Variants in SPATA22 observed in about 807,000 individuals in gnomAD.
SPATA22 encodes spermatogenesis-associated protein 22.
SPATA22 carries 29 observed loss-of-function variants against 47.8 expected under a neutral mutation model. The observed-to-expected ratio is 0.61, with a 90% CI of 0.45 to 0.83. SPATA22 has a LOEUF of 0.83. Among genes scored for constraint, SPATA22 ranks in the 40% least tolerant of loss-of-function variants. The pLI is 0.00. For missense variants in SPATA22, 410 were observed against 421.7 expected (o/e 0.97, Z 0.24); for synonymous variants, 133 against 140.9 (o/e 0.94, Z 0.40).
At chr17:3,504,688 G>C (rs920730072) in intron 1 of SPATA22, among the ~76,000 whole-genome samples, 1 of 151,932 alleles carries the variant, frequency 6.6e-6, no homozygotes, top group Non-Finnish European at 1.5e-5. Context: ...CTGTTGAGTA[G>C]CTGGGATTAT....
chr17:3,460,111 T>C (rs958658184), intron 5 of SPATA22, among the ~76,000 whole-genome samples: 5 of 152,202 alleles, frequency 3.3e-5, no homozygotes, highest in African/African-American at 9.6e-5. Context: ...GTAAAATCCT[T>C]AATCAAGGGT....
chr17:3,468,037 C>T (rs187585601), intron 2 of SPATA22, among the ~76,000 whole-genome samples: 1 of 152,182 alleles, frequency 6.6e-6, no homozygotes, highest in Non-Finnish European at 1.5e-5. Context: ...ATGTGCAGTT[C>T]CTAGACTCCA....
At chr17:3,457,493 T>C (rs1269782042) in intron 5 of SPATA22, among the ~76,000 whole-genome samples, 2 of 146,076 alleles carry the variant, frequency 1.4e-5, no homozygotes, top group Admixed American at 1.4e-4. Flanking sequence ...CTAAAATTCA[T>C]ATGGAACCAC....
At chr17:3,475,444 A>G (rs970732892), upstream of SPATA22, 2 of 152,310 alleles carry the variant, frequency 1.3e-5, no homozygotes, top group Non-Finnish European at 2.9e-5. Flanking sequence ...ATTCATAAGT[A>G]AGTTAACACA....
At chr17:3,467,645 T>G in intron 2 of SPATA22, 91 bp from the exon 3 acceptor site, 1 of 946,746 alleles carries the variant, frequency 1.1e-6, no homozygotes. Flanking sequence ...ACACTTTACA[T>G]TTATCTACTT....
At chr17:3,489,201 A>G (rs368144957) in intron 1 of SPATA22, 93 of 1,233,994 alleles carry the variant, frequency 7.5e-5, no homozygotes, top group Non-Finnish European at 6.2e-5. Context: ...TTTCATACTT[A>G]TATAAATGTG....
intron 6 of SPATA22, among the ~76,000 whole-genome samples, chr17:3,448,537 C>G (rs1414422877): frequency 6.6e-6 from 1 of 152,156 alleles, no homozygotes; most frequent in Non-Finnish European, 1.5e-5. Flanking sequence ...GATAAACTGT[C>G]TTTATCTTTA....
chr17:3,473,679 G>T (rs536578321), upstream of SPATA22, among the ~76,000 whole-genome samples: 5 of 152,102 alleles, frequency 3.3e-5, no homozygotes, highest in Admixed American at 3.3e-4. Flanking sequence ...TGTATTTTTA[G>T]TAGAGACGGG....
At chr17:3,501,647 ACTC>A (rs2150766655) in intron 1 of SPATA22, 1 of 160,900 alleles carries the variant, frequency 6.2e-6, no homozygotes, top group African/African-American at 2.4e-5. Flanking sequence ...AAGAGGATTG[ACTC>A]CTATTTTGAA....
At chr17:3,465,189 G>C (rs539761343) in intron 3 of SPATA22, among the ~76,000 whole-genome samples, 6 of 137,548 alleles carry the variant, frequency 4.4e-5, no homozygotes, top group Non-Finnish European at 9.7e-5. Context: ...CAGCCGCCTC[G>C]TCCAGGAGGT....
At chr17:3,486,601 C>A (rs1044894646) in intron 1 of SPATA22, among the ~76,000 whole-genome samples, 2 of 152,184 alleles carry the variant, frequency 1.3e-5, no homozygotes, top group Non-Finnish European at 2.9e-5. Flanking sequence ...CTAGTCCATT[C>A]TCTTTCTTGA....
intron 1 of SPATA22, among the ~76,000 whole-genome samples, chr17:3,496,615 G>A (rs372203464): frequency 9.9e-5 from 15 of 152,214 alleles, no homozygotes; most frequent in Admixed American, 7.9e-4. Context: ...ACCCGGTTAT[G>A]AGTCTAGATT....
intron 1 of SPATA22, 40 bp from the exon 2 acceptor site, chr17:3,469,438 A>G: frequency 2.6e-6 from 2 of 767,614 alleles, no homozygotes; most frequent in South Asian, 1.9e-5. Context: ...TGTCTCAACT[A>G]TAAAACCCAA....
chr17:3,500,336 T>A (rs892090800), intron 1 of SPATA22: 7 of 152,414 alleles, frequency 4.6e-5, no homozygotes, highest in African/African-American at 1.7e-4. Flanking sequence ...GAAACAGCCT[T>A]CTATTGGAAG....
chr17:3,464,312 C>T lies in SPATA22; in HGVS notation c.173-1545G>A, dbSNP rs1460269432. On this transcript the variant is annotated intron_variant, in intron 3 of 8. Coordinates refer to ENST00000572969, the MANE Select transcript of SPATA22 (RefSeq NM_001170698.2). ...TGGTGCCCAGGCTGGAGTGCAGTGG[C>T]GTGATCTCGGCTCGCTACAACCTCC... Among the ~76,000 whole-genome samples the T allele has an allele frequency of 8.4e-4, 126 of 149,274 alleles. 1 individual carries two copies. The highest frequency in any genetic ancestry group is 2.9e-3 in the African/African-American group (118 of 40,918).
At chr17:3,471,478 T>C (rs1330652444) in intron 1 of SPATA22, 1 of 985,230 alleles carries the variant, frequency 1.0e-6, no homozygotes, top group African/African-American at 1.7e-5. Flanking sequence ...AGTAATGGGG[T>C]TGGTGGCATT....
chr17:3,478,619 C>A (rs987149290), intron 1 of SPATA22, among the ~76,000 whole-genome samples: 1 of 152,114 alleles, frequency 6.6e-6, no homozygotes, highest in South Asian at 2.1e-4. Context: ...TATGAGCACC[C>A]AGTAGTATGC....
At chr17:3,468,851 C>T in intron 2 of SPATA22, 1 of 905,218 alleles carries the variant, frequency 1.1e-6, no homozygotes, top group East Asian at 1.2e-4. Flanking sequence ...CTTCATTATG[C>T]ATCATCATTC....
intron 1 of SPATA22, among the ~76,000 whole-genome samples, chr17:3,497,416 A>C (rs752393819): frequency 2.6e-5 from 4 of 152,228 alleles, no homozygotes; most frequent in Non-Finnish European, 4.4e-5. Flanking sequence ...GGCTGAAAGA[A>C]GCACGTATCC....
Sources: allele counts gnomAD v4.1 joint callset (sites outside exome capture counted in the v4.1 genomes callset), GRCh38; gene constraint gnomAD v4.1.1; transcripts MANE v1.5; gene names NCBI Gene and HGNC (gene_info 2026-07-23, HGNC 2026-07-21).